BMPR1B: variants seen among roughly 807,000 people sequenced by gnomAD.
The protein encoded by BMPR1B is bone morphogenetic protein receptor type 1B.
A neutral mutation model predicts 59.1 loss-of-function variants in BMPR1B; 12 were observed. That is an observed-to-expected ratio of 0.20 (90% CI 0.13 to 0.33). BMPR1B has a LOEUF of 0.33. BMPR1B is among the 10% of genes least tolerant of loss of function. The pLI is 1.00. For missense variants in BMPR1B, 550 were observed against 610.9 expected (o/e 0.90, Z 1.05); for synonymous variants, 237 against 207.3 (o/e 1.14, Z -1.23).
At chr4:95,008,247 C>T (rs918726192) in intron 3 of BMPR1B, among the ~76,000 whole-genome samples, 1 of 152,134 alleles carries the variant, frequency 6.6e-6, no homozygotes, top group East Asian at 1.9e-4. Context: ...GTTATATAAA[C>T]TATGTAAAAA....
intron 3 of BMPR1B, among the ~76,000 whole-genome samples, chr4:95,067,104 TTTG>T (rs1194545020): frequency 1.3e-5 from 2 of 152,210 alleles, no homozygotes; most frequent in Non-Finnish European, 2.9e-5. Context: ...TTAATAGAAC[TTTG>T]GAATTTTCAA....
At chr4:95,034,017 T>C (rs942720396) in intron 3 of BMPR1B, among the ~76,000 whole-genome samples, 6 of 152,132 alleles carry the variant, frequency 3.9e-5, no homozygotes, top group African/African-American at 1.4e-4. Flanking sequence ...ATTTTTCAGC[T>C]GAAAGCAACA....
intron 2 of BMPR1B, among the ~76,000 whole-genome samples, chr4:94,977,630 G>A (rs1370833465): frequency 2.6e-5 from 4 of 151,996 alleles, no homozygotes; most frequent in Non-Finnish European, 4.4e-5. Flanking sequence ...AGGCCGAGGC[G>A]GGCAGATCAT....
In BMPR1B at chr4:94,890,549, G is replaced by A. The variant is rs575723593; in HGVS notation, c.-113+14649G>A. Among the ~76,000 whole-genome samples the A allele has an allele frequency of 3.3e-3, 499 of 152,206 alleles. 2 individuals are homozygous for A. The highest frequency in any genetic ancestry group is 0.011 in the African/African-American group (469 of 41,540). The stretch of plus-strand genomic sequence containing the variant: ...AGTATAAAAGTCAATCAGAGAAGTT[G>A]TACTAGTCTTCTTGGGCTGCCGTAA... On this transcript the variant is annotated intron_variant, in intron 2 of 12. Transcript: ENST00000515059.
At chr4:95,011,567 A>T (rs536358092) in intron 3 of BMPR1B, among the ~76,000 whole-genome samples, 3 of 152,218 alleles carry the variant, frequency 2.0e-5, no homozygotes, top group African/African-American at 7.2e-5. Context: ...AGACATATCC[A>T]TATACCTCCT....
At chr4:95,104,908 T>TTTTG (rs3841975) in intron 4 of BMPR1B, among the ~76,000 whole-genome samples, 415 of 151,426 alleles carry the variant, frequency 2.7e-3, no homozygotes, top group South Asian at 9.0e-3. Context: ...ATGCGTGTGA[T>TTTTG]TTTGTTTGTT....
intron 3 of BMPR1B, among the ~76,000 whole-genome samples, chr4:95,055,750 A>G (rs905390642): frequency 6.6e-6 from 1 of 152,114 alleles, no homozygotes. Context: ...ACCTTTTTTT[A>G]TTATTTTCAA....
intron 1 of BMPR1B, among the ~76,000 whole-genome samples, chr4:94,768,239 T>C (rs762470031): frequency 2.6e-5 from 4 of 152,104 alleles, no homozygotes; most frequent in Non-Finnish European, 5.9e-5. Context: ...TAAAGTTTAT[T>C]CTTTGTGATC....
intron 1 of BMPR1B, among the ~76,000 whole-genome samples, chr4:94,766,661 CTT>C (rs1439695604): frequency 6.6e-6 from 1 of 151,760 alleles, no homozygotes; most frequent in Non-Finnish European, 1.5e-5. Flanking sequence ...ATCAGTCACT[CTT>C]TTTTTAATTT....
At chr4:94,984,670 C>T (rs888060899) in intron 2 of BMPR1B, among the ~76,000 whole-genome samples, 9 of 152,198 alleles carry the variant, frequency 5.9e-5, no homozygotes, top group African/African-American at 2.2e-4. Flanking sequence ...GGTAATTAAA[C>T]AGAGAAAGAA....
intron 3 of BMPR1B, among the ~76,000 whole-genome samples, chr4:95,009,194 A>G (rs1723058134): frequency 6.6e-6 from 1 of 152,208 alleles, no homozygotes; most frequent in African/African-American, 2.4e-5. Context: ...TGGCGATGCA[A>G]ATTGGTACAG....
intron 2 of BMPR1B, among the ~76,000 whole-genome samples, chr4:94,977,584 C>T (rs1731078246): frequency 6.6e-6 from 1 of 151,676 alleles, no homozygotes; most frequent in Non-Finnish European, 1.5e-5. Context: ...AATGGCCAGG[C>T]ACAGTGGCTC....
chr4:94,923,426 A>G (rs1222800318), intron 2 of BMPR1B, among the ~76,000 whole-genome samples: 2 of 152,142 alleles, frequency 1.3e-5, no homozygotes, highest in East Asian at 3.9e-4. Context: ...TGAAGGGAGT[A>G]TTTAGATATT....
chr4:95,000,969 C>A (rs546397754), intron 3 of BMPR1B, among the ~76,000 whole-genome samples: 79 of 152,266 alleles, frequency 5.2e-4, no homozygotes, highest in Admixed American at 1.0e-3. Flanking sequence ...GAAAGCTTTT[C>A]TTCAGTACTT....
intron 1 of BMPR1B, among the ~76,000 whole-genome samples, chr4:94,795,675 G>A (rs1377461948): frequency 6.6e-6 from 1 of 152,046 alleles, no homozygotes; most frequent in African/African-American, 2.4e-5. Context: ...TATTGGCCAG[G>A]CTGGTCTGGA....
chr4:95,036,861 C>G (rs112071951), intron 3 of BMPR1B, among the ~76,000 whole-genome samples: 1 of 152,174 alleles, frequency 6.6e-6, no homozygotes, highest in Non-Finnish European at 1.5e-5. Context: ...TCCCTTTTCT[C>G]TACATCCTTG....
intron 3 of BMPR1B, among the ~76,000 whole-genome samples, chr4:95,008,881 G>A (rs1160197472): frequency 3.9e-5 from 6 of 151,956 alleles, no homozygotes; most frequent in African/African-American, 7.3e-5. Flanking sequence ...AATAATTAAA[G>A]AACAAAATTA....
chr4:94,794,652 C>A (rs1032857553), intron 1 of BMPR1B, among the ~76,000 whole-genome samples: 4 of 151,308 alleles, frequency 2.6e-5, no homozygotes, highest in African/African-American at 4.9e-5. Flanking sequence ...TACCCATGAG[C>A]ATGGAATGTT....
At chr4:94,791,819 T>G (rs1414893633) in intron 1 of BMPR1B, among the ~76,000 whole-genome samples, 1 of 152,090 alleles carries the variant, frequency 6.6e-6, no homozygotes, top group Non-Finnish European at 1.5e-5. Context: ...CTCCCTCTCC[T>G]GCCACCCCCA....
Sources: allele counts gnomAD v4.1 joint callset (sites outside exome capture counted in the v4.1 genomes callset), GRCh38; gene constraint gnomAD v4.1.1; transcripts MANE v1.5; gene names NCBI Gene and HGNC (gene_info 2026-07-23, HGNC 2026-07-21).